DCC: variants seen among roughly 807,000 people sequenced by gnomAD.
DCC encodes the protein DCC netrin 1 receptor.
A neutral mutation model predicts 172.5 loss-of-function variants in DCC; 58 were observed. The ratio of observed to expected loss-of-function variants is 0.34; its 90% CI spans 0.27 to 0.42. The LOEUF (loss-of-function observed/expected upper bound fraction) is 0.42, where lower values mean the gene tolerates loss of function less well. Among genes scored for constraint, DCC ranks in the 10% least tolerant of loss-of-function variants. DCC has a pLI of 1.00. For synonymous variants in DCC, 709 were observed against 644.5 expected (o/e 1.10, Z -1.52); for missense variants, 1,740 against 1,791.0 (o/e 0.97, Z 0.51).
intron 1 of DCC, among the ~76,000 whole-genome samples, chr18:52,371,863 G>A (rs1192584636): frequency 6.6e-6 from 1 of 152,214 alleles, no homozygotes; most frequent in East Asian, 1.9e-4. Context: ...TCTGGCCTCT[G>A]CCTAGTCCTG....
At chr18:52,627,484 A>C (rs1387474747) in intron 1 of DCC, among the ~76,000 whole-genome samples, 2 of 152,378 alleles carry the variant, frequency 1.3e-5, no homozygotes, top group South Asian at 4.1e-4. Context: ...TCTTAAATGC[A>C]AAATGAGAAT....
chr18:53,354,908 G>A (rs1488647613), intron 15 of DCC, among the ~76,000 whole-genome samples: 2 of 151,728 alleles, frequency 1.3e-5, no homozygotes, highest in Admixed American at 6.6e-5. Flanking sequence ...ATGGTTTTAG[G>A]TCTAATATTT....
At chr18:52,555,687 G>A (rs567512525) in intron 1 of DCC, among the ~76,000 whole-genome samples, 1 of 152,126 alleles carries the variant, frequency 6.6e-6, no homozygotes, top group African/African-American at 2.4e-5. Flanking sequence ...TTTTGGTTTG[G>A]TAATTTCGTT....
chr18:52,657,628 G>C (rs2035281245), intron 1 of DCC, among the ~76,000 whole-genome samples: 1 of 152,174 alleles, frequency 6.6e-6, no homozygotes, highest in Non-Finnish European at 1.5e-5. Flanking sequence ...GGGTGTTAAA[G>C]ACAGCTGGGT....
rs368101054 is a variant in DCC at position 53,391,900 on chromosome 18, T to C, written c.2688+13T>C. On this transcript the variant is annotated intron_variant, in intron 17 of 28. Coordinates refer to ENST00000442544, the MANE Select transcript of DCC (RefSeq NM_005215.4). ...TGCAAAATACAAGGTGAAGTTCTAA[T>C]TGATAGCATGAAATTTAAAATGAAC... 2 of 1,401,776 alleles carry C rather than the reference T, an allele frequency of 1.4e-6. No individual in the cohort carries two copies. Among genetic ancestry groups the C allele is most frequent in the African/African-American group, 1.4e-5 (1 of 70,858 alleles). The allele number at this position is 1,401,776 out of a possible 1,614,324, so 86.8% of individuals were successfully genotyped here.
intron 1 of DCC, among the ~76,000 whole-genome samples, chr18:52,476,148 A>C (rs10502946): frequency 1.3e-5 from 2 of 152,138 alleles, no homozygotes; most frequent in Non-Finnish European, 2.9e-5. Context: ...TCTGTCCTCC[A>C]TGAGTTTCCA....
In DCC at chr18:52,635,957, C is replaced by T. The variant is rs142827531; in HGVS notation, c.92-116097C>T. 6.1e-3 allele frequency among the ~76,000 whole-genome samples: 924 copies of T among 152,322 alleles called. 2 individuals are homozygous for T. The highest frequency in any genetic ancestry group is 0.017 in the Middle Eastern group (5 of 294). ...AAACTAACAATCCCAAGAGGACACA[C>T]AGACCCTCTGACGGAAGTGGACTGC... On this transcript the variant is annotated intron_variant, in intron 1 of 28. Transcript: ENST00000442544.
At chr18:53,115,525 T>C (rs75862490) in intron 7 of DCC, among the ~76,000 whole-genome samples, 3,888 of 151,506 alleles carry the variant, frequency 0.026, 59 homozygotes, top group Admixed American at 0.046. Context: ...AACTGGACCA[T>C]CCAATTTCAC....
At chr18:53,436,193 T>C (rs1911928935) in intron 22 of DCC, among the ~76,000 whole-genome samples, 1 of 152,196 alleles carries the variant, frequency 6.6e-6, no homozygotes, top group African/African-American at 2.4e-5. Context: ...TGTTTTACAG[T>C]TTTACAAATT....
chr18:52,657,842 G>T (rs2035283693), intron 1 of DCC, among the ~76,000 whole-genome samples: 1 of 152,122 alleles, frequency 6.6e-6, no homozygotes, highest in Non-Finnish European at 1.5e-5. Flanking sequence ...TGATAAATTA[G>T]ATTATATTGG....
intron 12 of DCC, among the ~76,000 whole-genome samples, chr18:53,293,467 C>T (rs1040874619): frequency 6.6e-6 from 1 of 152,044 alleles, no homozygotes; most frequent in Non-Finnish European, 1.5e-5. Flanking sequence ...AGATTACTAG[C>T]GTTTTTTAAA....
intron 24 of DCC, 36 bp downstream of exon 24, chr18:53,459,494 C>A (rs756163070): frequency 3.0e-6 from 4 of 1,349,722 alleles, no homozygotes; most frequent in South Asian, 2.3e-5. Context: ...GGAAAACATA[C>A]CATTCTGAAC....
intron 14 of DCC, among the ~76,000 whole-genome samples, chr18:53,337,220 G>A (rs866076507): frequency 6.6e-6 from 1 of 152,188 alleles, no homozygotes; most frequent in Non-Finnish European, 1.5e-5. Flanking sequence ...TATTCTAAAA[G>A]ATGTTAAATA....
At chr18:52,678,688 T>C (rs896147017) in intron 1 of DCC, among the ~76,000 whole-genome samples, 3 of 152,168 alleles carry the variant, frequency 2.0e-5, no homozygotes, top group Admixed American at 6.5e-5. Context: ...CATGAATATA[T>C]GCACACACAG....
At chr18:53,029,746 C>T (rs1219846980) in intron 5 of DCC, among the ~76,000 whole-genome samples, 1 of 152,128 alleles carries the variant, frequency 6.6e-6, no homozygotes, top group East Asian at 1.9e-4. Context: ...GCCTATGCCC[C>T]TCCTCCACTT....
chr18:53,049,466 T>C (rs913684692), intron 5 of DCC, among the ~76,000 whole-genome samples: 3 of 151,968 alleles, frequency 2.0e-5, no homozygotes, highest in Non-Finnish European at 4.4e-5. Context: ...GCTTGTCATG[T>C]TGTTTTGTAG....
At chr18:53,032,431 A>G (rs1017876300) in intron 5 of DCC, among the ~76,000 whole-genome samples, 4 of 152,130 alleles carry the variant, frequency 2.6e-5, no homozygotes, top group Admixed American at 2.0e-4. Flanking sequence ...CTTGTGATAT[A>G]TGAGGTTGCT....
At chr18:52,933,170 G>A (rs2040333060) in intron 5 of DCC, among the ~76,000 whole-genome samples, 1 of 152,078 alleles carries the variant, frequency 6.6e-6, no homozygotes, top group African/African-American at 2.4e-5. Context: ...TCCTAGATAT[G>A]CAGCTGAACC....
chr18:52,631,749 T>C (rs1242719573), intron 1 of DCC, among the ~76,000 whole-genome samples: 1 of 152,186 alleles, frequency 6.6e-6, no homozygotes, highest in East Asian at 1.9e-4. Context: ...TGCTTTGAAA[T>C]TTGCTGATCT....
Sources: gnomAD v4.1 joint callset for allele counts (sites outside exome capture counted in the v4.1 genomes callset) on GRCh38, gnomAD v4.1.1 for gene constraint, MANE v1.5 for transcripts, NCBI Gene and HGNC (gene_info 2026-07-23, HGNC 2026-07-21) for gene names.